The following TCF12 variants were observed in gnomAD, a reference collection of about 807,000 sequenced individuals.
TCF12 encodes DNA-binding protein HTF4.
In TCF12, 45 loss-of-function variants were observed where a neutral mutation model predicts 86.0. The ratio of observed to expected loss-of-function variants is 0.52; its 90% confidence interval spans 0.41 to 0.67. The LOEUF (loss-of-function observed/expected upper bound fraction) is 0.67. Among genes scored for constraint, TCF12 ranks in the 30% least tolerant of loss-of-function variants. The pLI is 0.00. For synonymous variants in TCF12, 330 were observed against 299.6 expected (o/e 1.10, Z -1.05); for missense variants, 881 against 859.9 (o/e 1.02, Z -0.31).
chr15:57,111,929 A>G (rs1283541175), intron 5 of TCF12, among the ~76,000 whole-genome samples: 1 of 152,144 alleles, frequency 6.6e-6, no homozygotes, highest in Non-Finnish European at 1.5e-5. Flanking sequence ...GGAAGAGGAG[A>G]AAGTGCAGAG....
chr15:57,030,081 T>C (rs1190012486), intron 3 of TCF12, among the ~76,000 whole-genome samples: 1 of 152,202 alleles, frequency 6.6e-6, no homozygotes, highest in African/African-American at 2.4e-5. Context: ...TTTCTAGTTT[T>C]CATTTCAAAT....
intron 3 of TCF12, among the ~76,000 whole-genome samples, chr15:57,024,216 CTTTTTT>C (rs59793819): frequency 0.015 from 1,707 of 111,252 alleles, 45 homozygotes; most frequent in African/African-American, 0.052. Context: ...AAAAAAGTGT[CTTTTTT>C]TTTTTTTTTT....
At chr15:57,284,458 C>T (rs2061845700) in intron 20 of TCF12, among the ~76,000 whole-genome samples, 1 of 152,224 alleles carries the variant, frequency 6.6e-6, no homozygotes. Context: ...GATCCGACCA[C>T]CTCGGCTTCC....
intron 5 of TCF12, among the ~76,000 whole-genome samples, chr15:57,135,439 C>G (rs1199080395): frequency 6.6e-6 from 1 of 152,072 alleles, no homozygotes; most frequent in East Asian, 1.9e-4. Flanking sequence ...TAAGCTGATA[C>G]TGCTTTTGTC....
At chr15:57,178,271 T>C (rs1233889734) in intron 6 of TCF12, among the ~76,000 whole-genome samples, 1 of 152,250 alleles carries the variant, frequency 6.6e-6, no homozygotes, top group East Asian at 1.9e-4. Flanking sequence ...TACTTTTTTT[T>C]CCTACTTTTG....
At position 57,234,028 on chromosome 15, in the gene TCF12, C is replaced by G. The variant is rs1566959331; in HGVS notation, c.971-15C>G. 6.2e-7 allele frequency: 1 copy of G among 1,609,438 alleles called. No individual in the cohort carries two copies. Among genetic ancestry groups the G allele is most frequent in the East Asian group, 2.2e-5 (1 of 44,796 alleles). The stretch of plus-strand genomic sequence containing the variant: ...CTTGTAAAATTCTTGATTTATTTCT[C>G]TATGAAATATCCAGGAACCAGAGGG... On this transcript the variant is annotated splice_polypyrimidine_tract_variant and intron_variant, in intron 11 of 20. Coordinates refer to ENST00000333725, the MANE Select transcript of TCF12 (RefSeq NM_207037.2).
At chr15:57,004,829 A>G (rs2064252726) in intron 3 of TCF12, among the ~76,000 whole-genome samples, 1 of 152,190 alleles carries the variant, frequency 6.6e-6, no homozygotes, top group African/African-American at 2.4e-5. Context: ...TGCTGGGATT[A>G]TAGGCATGAG....
rs1177735492 is a variant in TCF12, at chr15:56,967,863, G to GT, written c.148+46774dup. Among the ~76,000 whole-genome samples, 19 of 151,120 alleles carry GT rather than the reference G, an allele frequency of 1.3e-4. 1 individual carries two copies. Among genetic ancestry groups the GT allele is most frequent in the South Asian group, 4.2e-4 (2 of 4,752 alleles). On this transcript the variant is annotated intron_variant, in intron 3 of 20. Coordinates refer to ENST00000333725, the MANE Select transcript of TCF12 (RefSeq NM_207037.2). The stretch of plus-strand genomic sequence containing the variant: ...GAATTTCCAGAAAAGTGTGAATGTT[G>GT]TTTTTTTTTAAGCGAGTTAAGTAGA...
intron 4 of TCF12, among the ~76,000 whole-genome samples, chr15:57,070,816 A>T (rs1372958304): frequency 6.6e-6 from 1 of 152,168 alleles, no homozygotes; most frequent in African/African-American, 2.4e-5. Flanking sequence ...GCAGGGTCAT[A>T]CTGGCTGGAG....
intron 3 of TCF12, among the ~76,000 whole-genome samples, chr15:56,921,365 AATG>A (rs1184157761): frequency 1.3e-5 from 2 of 151,974 alleles, no homozygotes; most frequent in African/African-American, 4.8e-5. Flanking sequence ...TTTATTTTTA[AATG>A]ATAAGTATTA....
chr15:57,124,578 A>G (rs1448444689), intron 5 of TCF12, among the ~76,000 whole-genome samples: 1 of 152,220 alleles, frequency 6.6e-6, no homozygotes, highest in Non-Finnish European at 1.5e-5. Flanking sequence ...GCAGGCAGCC[A>G]CATTCCAGAA....
intron 5 of TCF12, among the ~76,000 whole-genome samples, chr15:57,116,791 G>T (rs1232277161): frequency 6.6e-6 from 1 of 152,054 alleles, no homozygotes; most frequent in African/African-American, 2.4e-5. Context: ...ATAATGCTTC[G>T]TTATTTTATT....
At chr15:56,978,592 A>G (rs1229820254) in intron 3 of TCF12, among the ~76,000 whole-genome samples, 3 of 152,204 alleles carry the variant, frequency 2.0e-5, no homozygotes, top group Non-Finnish European at 2.9e-5. Context: ...AGGAGAGAAT[A>G]TTTTTATTCC....
chr15:57,042,470 G>A (rs2066959201), intron 3 of TCF12, among the ~76,000 whole-genome samples: 1 of 152,174 alleles, frequency 6.6e-6, no homozygotes, highest in Non-Finnish European at 1.5e-5. Context: ...GCTGAAATGT[G>A]TGCCACAGTC....
intron 5 of TCF12, among the ~76,000 whole-genome samples, chr15:57,124,704 G>C (rs1157428223): frequency 6.6e-6 from 1 of 151,544 alleles, no homozygotes; most frequent in African/African-American, 2.4e-5. Context: ...GTGAGACAGA[G>C]TCTCACTCTG....
At chr15:57,256,684 C>G (rs2060364723) in intron 16 of TCF12, among the ~76,000 whole-genome samples, 1 of 151,988 alleles carries the variant, frequency 6.6e-6, no homozygotes, top group African/African-American at 2.4e-5. Context: ...GCCAGACTTA[C>G]AAAGTGATCA....
intron 5 of TCF12, among the ~76,000 whole-genome samples, chr15:57,114,492 C>T (rs562254361): frequency 1.3e-5 from 2 of 152,130 alleles, no homozygotes; most frequent in South Asian, 4.2e-4. Context: ...GAGATGGGGT[C>T]TCAGTTTGTT....
At chr15:57,197,606 C>T (rs1212853713) in intron 7 of TCF12, among the ~76,000 whole-genome samples, 167 bp from the exon 8 acceptor site, 1 of 152,118 alleles carries the variant, frequency 6.6e-6, no homozygotes, top group Non-Finnish European at 1.5e-5. Flanking sequence ...CTGTTTTTCA[C>T]TGGGACTAGT....
intron 7 of TCF12, 108 bp downstream of exon 7, chr15:57,192,401 T>C: frequency 4.8e-6 from 7 of 1,456,880 alleles, no homozygotes; most frequent in Non-Finnish European, 4.6e-6. Flanking sequence ...TTCCGTTTCT[T>C]TGTTTAAGAC....
Sources: gnomAD v4.1 joint callset for allele counts (sites outside exome capture counted in the v4.1 genomes callset) on GRCh38, gnomAD v4.1.1 for gene constraint, MANE v1.5 for transcripts, NCBI Gene and HGNC (gene_info 2026-07-23, HGNC 2026-07-21) for gene names.